Variants in CTNNA2 observed in about 807,000 individuals in gnomAD.
The protein encoded by CTNNA2 is catenin alpha 2, also known as catenin alpha-2.
In CTNNA2, 42 loss-of-function variants were observed where a neutral mutation model predicts 101.0. The observed-to-expected ratio is 0.42, with a 90% CI of 0.32 to 0.54. CTNNA2 has a LOEUF of 0.54. Ranked by LOEUF, CTNNA2 falls within the 20% of genes least tolerant of loss-of-function variation. CTNNA2 has a pLI of 0.14. For missense variants in CTNNA2, 871 were observed against 1,223.1 expected, an observed-to-expected ratio of 0.71 and a Z score of 4.29; for synonymous variants, 450 against 456.4, an observed-to-expected ratio of 0.99 and a Z score of 0.18.
intron 2 of CTNNA2, among the ~76,000 whole-genome samples, chr2:79,247,446 G>T (rs555672753): frequency 1.3e-5 from 2 of 152,132 alleles, no homozygotes; most frequent in Admixed American, 1.3e-4. Flanking sequence ...CTTCATCAGG[G>T]CACTTATTTT....
intron 9 of CTNNA2, among the ~76,000 whole-genome samples, chr2:80,542,326 T>G (rs566701640): frequency 6.6e-6 from 1 of 152,262 alleles, no homozygotes; most frequent in Non-Finnish European, 1.5e-5. Flanking sequence ...CAGCAGTTTT[T>G]AACCATCAGG....
chr2:79,506,221 A>C (rs1671410273), intron 5 of CTNNA2, among the ~76,000 whole-genome samples: 1 of 152,130 alleles, frequency 6.6e-6, no homozygotes, highest in Non-Finnish European at 1.5e-5. Context: ...ACCTCTGTAG[A>C]GGTAGGTGGT....
intron 7 of CTNNA2, among the ~76,000 whole-genome samples, chr2:80,344,603 G>A (rs940834256): frequency 7.2e-5 from 11 of 152,170 alleles, no homozygotes; most frequent in African/African-American, 2.2e-4. Flanking sequence ...TCCTGCCCCA[G>A]CATCCCAAGT....
At chr2:79,981,368 C>A (rs1394115534) in intron 7 of CTNNA2, among the ~76,000 whole-genome samples, 1 of 152,080 alleles carries the variant, frequency 6.6e-6, no homozygotes, top group Non-Finnish European at 1.5e-5. Flanking sequence ...CTTGTGGATA[C>A]AGATATGAAA....
At chr2:80,429,496 G>C (rs186112837) in intron 9 of CTNNA2, among the ~76,000 whole-genome samples, 1 of 152,140 alleles carries the variant, frequency 6.6e-6, no homozygotes, top group African/African-American at 2.4e-5. Context: ...CAAGGTATCT[G>C]TACAGCCTAA....
At chr2:79,654,430 A>G (rs1681467451) in intron 2 of CTNNA2, among the ~76,000 whole-genome samples, 1 of 152,168 alleles carries the variant, frequency 6.6e-6, no homozygotes, top group Admixed American at 6.5e-5. Flanking sequence ...GTCCACCTGC[A>G]TCCCTTGTTT....
At chr2:79,332,301 GAAAAAA>G (rs3038816) in intron 3 of CTNNA2, among the ~76,000 whole-genome samples, 4 of 145,004 alleles carry the variant, frequency 2.8e-5, no homozygotes, top group Middle Eastern at 3.6e-3. Flanking sequence ...AAAAGAAGAA[GAAAAAA>G]AAAAAAAAGA....
chr2:80,595,262 T>C (rs1250335972), intron 15 of CTNNA2, among the ~76,000 whole-genome samples: 1 of 149,666 alleles, frequency 6.7e-6, no homozygotes, highest in Non-Finnish European at 1.5e-5. Flanking sequence ...TAAATGGAGT[T>C]ATTTTCTTCA....
At chr2:80,081,247 G>A (rs1699124628) in intron 7 of CTNNA2, among the ~76,000 whole-genome samples, 1 of 152,120 alleles carries the variant, frequency 6.6e-6, no homozygotes, top group Non-Finnish European at 1.5e-5. Context: ...TTTTCGCTTA[G>A]AGATGCTCCC....
intron 3 of CTNNA2, among the ~76,000 whole-genome samples, chr2:79,350,044 A>C (rs1325293060): frequency 7.4e-6 from 1 of 135,740 alleles, no homozygotes; most frequent in Non-Finnish European, 1.5e-5. Context: ...ACTGCACTCC[A>C]GCCTGGACGA....
upstream of CTNNA2, among the ~76,000 whole-genome samples, chr2:79,511,680 T>G (rs190001466): frequency 6.6e-6 from 1 of 152,264 alleles, no homozygotes; most frequent in Non-Finnish European, 1.5e-5. Context: ...GATAGAGGCA[T>G]GGACAGAGGT....
chr2:79,549,213 A>G (rs1399309331), intron 1 of CTNNA2, among the ~76,000 whole-genome samples: 5 of 152,196 alleles, frequency 3.3e-5, no homozygotes, highest in African/African-American at 1.2e-4. Flanking sequence ...TGGTTTGGCC[A>G]TAGACTGTTT....
At chr2:80,127,500 G>T (rs1277740041) in intron 7 of CTNNA2, among the ~76,000 whole-genome samples, 1 of 152,116 alleles carries the variant, frequency 6.6e-6, no homozygotes, top group African/African-American at 2.4e-5. Flanking sequence ...AATCTGTATG[G>T]CCAGGTGTGC....
chr2:79,964,628 A>G (rs936858204), intron 7 of CTNNA2, among the ~76,000 whole-genome samples: 1 of 152,220 alleles, frequency 6.6e-6, no homozygotes, highest in South Asian at 2.1e-4. Flanking sequence ...AGAGAGAGGT[A>G]AGGTAATTCT....
At chr2:79,663,285 C>A (rs147173994) in intron 2 of CTNNA2, among the ~76,000 whole-genome samples, 4 of 152,188 alleles carry the variant, frequency 2.6e-5, no homozygotes, top group African/African-American at 9.7e-5. Flanking sequence ...ATTCGGCAAC[C>A]AGAGTGATCA....
chr2:79,358,984 A>G (rs925886744), intron 3 of CTNNA2, among the ~76,000 whole-genome samples: 1 of 152,178 alleles, frequency 6.6e-6, no homozygotes, highest in Non-Finnish European at 1.5e-5. Context: ...TAAAAAATAT[A>G]ACAGTGCCTA....
chr2:79,245,621 G>A (rs1243026527), intron 2 of CTNNA2, among the ~76,000 whole-genome samples: 7 of 152,282 alleles, frequency 4.6e-5, no homozygotes, highest in Admixed American at 3.3e-4. Flanking sequence ...ATTTCAGTCC[G>A]ATTAAAATTG....
intron 7 of CTNNA2, among the ~76,000 whole-genome samples, chr2:80,136,508 T>C (rs970254428): frequency 6.6e-6 from 1 of 152,194 alleles, no homozygotes; most frequent in Non-Finnish European, 1.5e-5. Flanking sequence ...TCTTATGCAG[T>C]TTCCTCCCAG....
chr2:79,805,305 A>G (rs1676480865), intron 3 of CTNNA2, among the ~76,000 whole-genome samples: 1 of 152,228 alleles, frequency 6.6e-6, no homozygotes, highest in Non-Finnish European at 1.5e-5. Flanking sequence ...GGATAGGACC[A>G]AAGTCTAAAC....
Sources: allele counts gnomAD v4.1 joint callset (sites outside exome capture counted in the v4.1 genomes callset), GRCh38; gene constraint gnomAD v4.1.1; transcripts MANE v1.5; gene names NCBI Gene and HGNC (gene_info 2026-07-23, HGNC 2026-07-21).